The following HMG20A variants were observed in gnomAD, a reference collection of about 807,000 sequenced individuals.
The protein encoded by HMG20A is high mobility group protein 20A.
In HMG20A, 17 loss-of-function variants were observed where a neutral mutation model predicts 43.9. That is an observed-to-expected ratio of 0.39 (90% CI 0.27 to 0.58). The LOEUF (loss-of-function observed/expected upper bound fraction) is 0.58, where lower values mean the gene tolerates loss of function less well. Ranked by LOEUF, HMG20A falls within the 20% of genes least tolerant of loss-of-function variation. HMG20A has a pLI of 0.59. For missense variants in HMG20A, 341 were observed against 438.2 expected (o/e 0.78, Z 1.98); for synonymous variants, 132 against 147.5 (o/e 0.89, Z 0.76).
At chr15:77,517,714 T>C in the HMG20A span, among the ~76,000 whole-genome samples, 1 of 151,908 alleles carries the variant, frequency 6.6e-6, no homozygotes, top group Non-Finnish European at 1.5e-5. Context: ...CGACGGCATT[T>C]GAGGCCCAGG....
the HMG20A span, among the ~76,000 whole-genome samples, chr15:77,511,661 C>T: frequency 1.3e-5 from 2 of 152,164 alleles, no homozygotes; most frequent in African/African-American, 2.4e-5. Flanking sequence ...ACATGAAAAA[C>T]GATCACCATT....
intron 1 of HMG20A, among the ~76,000 whole-genome samples, chr15:77,444,226 T>C (rs2073648177): frequency 6.6e-6 from 1 of 152,214 alleles, no homozygotes. Flanking sequence ...GATGCTCATA[T>C]AACGCCTCTA....
intron 1 of HMG20A, among the ~76,000 whole-genome samples, chr15:77,426,457 G>C (rs1054073440): frequency 5.9e-5 from 9 of 152,046 alleles, no homozygotes; most frequent in African/African-American, 2.2e-4. Flanking sequence ...TGATAAGGAA[G>C]AAAAAATATG....
chr15:77,463,081 C>G (rs62007316), intron 2 of HMG20A, among the ~76,000 whole-genome samples: 12,123 of 152,116 alleles, frequency 0.08, 591 homozygotes, highest in Non-Finnish European at 0.1. Context: ...CATTCTGCCT[C>G]TTAAGTATCT....
chr15:77,495,442 G>A, the HMG20A span, among the ~76,000 whole-genome samples: 3 of 152,170 alleles, frequency 2.0e-5, no homozygotes, highest in Non-Finnish European at 4.4e-5. Flanking sequence ...CCAGCTACTC[G>A]GGAGGCTGAG....
In HMG20A at chr15:77,471,001, G is replaced by C; in HGVS notation, c.542G>C (p.Arg181Thr). The C allele has an allele frequency of 6.2e-7, 1 of 1,612,982 alleles. No homozygotes were observed. Among genetic ancestry groups the C allele is most frequent in the Non-Finnish European group, 8.5e-7 (1 of 1,179,616 alleles). Residue 181 changes from arginine (R) to threonine (T), a missense_variant, in exon 5 of 10, where the codon AGG (arginine) becomes ACG (threonine). By Grantham distance (71) the Arg-to-Thr change is moderately conservative (BLOSUM62 -1). Around this residue, in one of 3 missense-constraint regions of HMG20A, gnomAD observed 220 missense variants for 263.6 expected, o/e 0.83. Transcript: ENST00000336216. Reference sequence around the variant, plus strand: ...ACAGAGGCCTACAAGGTCTTCAGTAGGAAAACCCAGGACCGTCAGAAAGGC... The same window carrying C: ...ACAGAGGCCTACAAGGTCTTCAGTACGAAAACCCAGGACCGTCAGAAAGGC... The part of the protein sequence containing the change: ...QKTEAYKVFS[R>T]KTQDRQKGKS...
At chr15:77,499,110 A>G in the HMG20A span, among the ~76,000 whole-genome samples, 2 of 152,188 alleles carry the variant, frequency 1.3e-5, no homozygotes, top group African/African-American at 4.8e-5. Context: ...TAAATGAAGC[A>G]CATACTATTC....
chr15:77,442,535 G>A (rs2073623539), intron 1 of HMG20A, among the ~76,000 whole-genome samples: 1 of 152,144 alleles, frequency 6.6e-6, no homozygotes, highest in African/African-American at 2.4e-5. Context: ...GAATTTAAGG[G>A]AATTTTTAAT....
chr15:77,479,528 G>C, intron 9 of HMG20A: 1 of 487,744 alleles, frequency 2.1e-6, no homozygotes, highest in South Asian at 2.7e-5. Context: ...GGGAGGCTGA[G>C]GTGGGAGGAT....
At chr15:77,485,697 G>C (rs1291098905), downstream of HMG20A, 3 of 152,232 alleles carry the variant, frequency 2.0e-5, no homozygotes, top group Non-Finnish European at 4.4e-5. Flanking sequence ...ACTTTGGAAG[G>C]CCAAGGCAGG....
At chr15:77,510,280 A>G in the HMG20A span, among the ~76,000 whole-genome samples, 3 of 152,130 alleles carry the variant, frequency 2.0e-5, no homozygotes, top group Admixed American at 6.5e-5. Flanking sequence ...TACAGGGGCT[A>G]CCTGGCTGCG....
the HMG20A span, among the ~76,000 whole-genome samples, chr15:77,518,436 C>T: frequency 6.6e-6 from 1 of 152,264 alleles, no homozygotes; most frequent in East Asian, 1.9e-4. Context: ...ACGAACATGC[C>T]CCAGGTCCCC....
chr15:77,454,374 G>A (rs902011962), intron 1 of HMG20A, among the ~76,000 whole-genome samples: 1 of 152,054 alleles, frequency 6.6e-6, no homozygotes, highest in African/African-American at 2.4e-5. Flanking sequence ...GAACTTTATG[G>A]TATATCAATT....
In HMG20A at chr15:77,484,907, C is replaced by T. The variant is rs545904411; in HGVS notation, c.*1944C>T. ...TGCTTTGTGTCCTGTCTTCCTTCCT[C>T]CTCATATTTCTGTTTCTCATTTGTG... On this transcript the variant is annotated 3_prime_UTR_variant, in exon 10 of 10. Coordinates refer to ENST00000336216, the MANE Select transcript of HMG20A (RefSeq NM_001304504.2). The T allele has an allele frequency of 2.3e-3, 356 of 152,320 alleles. No homozygotes were observed. The highest frequency in any genetic ancestry group is 3.0e-3 in the Non-Finnish European group (202 of 68,050). The allele number at this position is 152,320 out of a possible 1,614,324, so 9.4% of individuals were successfully genotyped here.
At chr15:77,494,008 T>A in the HMG20A span, among the ~76,000 whole-genome samples, 1 of 152,184 alleles carries the variant, frequency 6.6e-6, no homozygotes, top group Non-Finnish European at 1.5e-5. Flanking sequence ...CCAAGGAGAC[T>A]TTTTTTATTA....
chr15:77,467,980 T>C (rs555462490), intron 4 of HMG20A, among the ~76,000 whole-genome samples: 2 of 152,226 alleles, frequency 1.3e-5, no homozygotes, highest in Non-Finnish European at 2.9e-5. Context: ...CTGAAAGATA[T>C]CTGTATTTCT....
At chr15:77,503,945 A>G in the HMG20A span, among the ~76,000 whole-genome samples, 4,097 of 152,328 alleles carry the variant, frequency 0.027, 87 homozygotes, top group Non-Finnish European at 0.04. Context: ...AAAGCAGCAC[A>G]GCGGGGACTT....
the HMG20A span, among the ~76,000 whole-genome samples, chr15:77,513,975 C>T: frequency 2.3e-3 from 345 of 152,318 alleles, 1 homozygote; most frequent in African/African-American, 7.9e-3. Context: ...CTGCCCACCT[C>T]GGCCTCCCAA....
rs1466180680 is a variant in HMG20A at position 77,478,469 on chromosome 15, G to A, written c.866G>A (p.Arg289Gln). 9 of 1,611,606 alleles carry A rather than the reference G, an allele frequency of 5.6e-6. No homozygotes were observed. The highest frequency in any genetic ancestry group is 1.7e-5 in the Admixed American group (1 of 60,028). Residue 289 changes from arginine (R) to glutamine (Q), a missense_variant, in exon 8 of 10, where the codon CGG (arginine) becomes CAG (glutamine). By Grantham distance (43) the Arg-to-Gln change is conservative. Around this residue, in one of 3 missense-constraint regions of HMG20A, gnomAD observed 118 missense variants for 154.5 expected, o/e 0.76. Transcript: ENST00000336216. ...TVLQQHLETL[R>Q]QVLTSSFASM... ...TTACAGCAGCACCTGGAGACCCTGC[G>A]GCAGGTGCTGACCAGCAGCTTTGCC...
Sources: allele counts gnomAD v4.1 joint callset (sites outside exome capture counted in the v4.1 genomes callset), GRCh38; gene constraint gnomAD v4.1.1; regional missense constraint gnomAD v4.1.1; transcripts MANE v1.5; gene names NCBI Gene and HGNC (gene_info 2026-07-23, HGNC 2026-07-21).